The following PCDHA8 variants were observed in gnomAD, a reference collection of about 807,000 sequenced individuals.
The protein encoded by PCDHA8 is protocadherin alpha-8.
PCDHA8 carries 53 observed loss-of-function variants against 61.8 expected under a neutral mutation model. The ratio of observed to expected loss-of-function variants is 0.86; its 90% CI spans 0.69 to 1.08. PCDHA8 has a LOEUF of 1.08. Among genes scored for constraint, PCDHA8 ranks in the 50% least tolerant of loss-of-function variants. The pLI is 0.00. For synonymous variants in PCDHA8, 618 were observed against 556.6 expected (o/e 1.11, Z -1.55); for missense variants, 1,293 against 1,245.0 (o/e 1.04, Z -0.58).
Position 140,974,586 on chromosome 5 carries a change from A to G in PCDHA8, c.2395-4363A>G, listed in dbSNP as rs150396044. Among the ~76,000 whole-genome samples, 599 of 152,220 alleles carry G rather than the reference A, an allele frequency of 3.9e-3. 3 individuals carry two copies. Among genetic ancestry groups the G allele is most frequent in the African/African-American group, 0.014 (565 of 41,540 alleles). On this transcript the variant is annotated intron_variant, in intron 1 of 3. Transcript: ENST00000531613. The stretch of plus-strand genomic sequence containing the variant: ...GAGTGCAATGGCATGATCTTGGCTC[A>G]CTGCAACCTCTGCCTCCAGGGTTCA...
chr5:140,912,322 G>A (rs1050946341), intron 1 of PCDHA8, among the ~76,000 whole-genome samples: 10 of 149,938 alleles, frequency 6.7e-5, no homozygotes, highest in African/African-American at 1.7e-4. Flanking sequence ...TTGACCCTCA[G>A]TATTAACCAG....
At chr5:140,961,347 T>TTGAGAGACCAA (rs2095606709) in intron 1 of PCDHA8, among the ~76,000 whole-genome samples, 1 of 152,216 alleles carries the variant, frequency 6.6e-6, no homozygotes, top group South Asian at 2.1e-4. Flanking sequence ...AGTGGATCCC[T>TTGAGAGACCAA]GTAGTCCCCA....
chr5:140,846,269 G>T (rs1676658281), intron 1 of PCDHA8, among the ~76,000 whole-genome samples: 1 of 148,838 alleles, frequency 6.7e-6, no homozygotes, highest in Admixed American at 6.7e-5. Context: ...ATGATTTAAA[G>T]TCAATTTATG....
chr5:140,953,528 C>T (rs2094898852), intron 1 of PCDHA8, among the ~76,000 whole-genome samples: 1 of 152,112 alleles, frequency 6.6e-6, no homozygotes, highest in Non-Finnish European at 1.5e-5. Context: ...AAACGGGAAA[C>T]TCACTTCATG....
intron 3 of PCDHA8, among the ~76,000 whole-genome samples, chr5:140,996,588 G>A (rs1031631617): frequency 3.2e-4 from 49 of 152,082 alleles, no homozygotes; most frequent in Admixed American, 2.0e-3. Flanking sequence ...AACAAGGGCC[G>A]CCTCCCCCCA....
intron 1 of PCDHA8, chr5:140,877,038 G>T (rs782221827): frequency 2.5e-6 from 4 of 1,612,418 alleles, no homozygotes; most frequent in East Asian, 2.2e-5. Flanking sequence ...CGCTGCAGCC[G>T]CTAGACCACG....
At chr5:140,947,302 C>G (rs1390442873) in intron 1 of PCDHA8, among the ~76,000 whole-genome samples, 2 of 151,504 alleles carry the variant, frequency 1.3e-5, no homozygotes, top group Non-Finnish European at 3.0e-5. Flanking sequence ...ATCTTGACAT[C>G]TTTGTAAAAA....
chr5:140,877,256 G>C lies in PCDHA8; in HGVS notation c.2394+33541G>C, dbSNP rs782364296. 2.5e-6 allele frequency: 4 copies of C among 1,613,628 alleles called. No homozygotes were observed. In the African/African-American group the frequency reaches 5.3e-5, roughly 22 times the overall value. On this transcript the variant is annotated intron_variant, in intron 1 of 3. Transcript: ENST00000531613. Reference sequence around the variant, plus strand: ...GCGGGCCACGTGGTGGCGAAAGTGCGCGCGGTGGACGCTGACTCCGGCTAT... The same window carrying C: ...GCGGGCCACGTGGTGGCGAAAGTGCCCGCGGTGGACGCTGACTCCGGCTAT...
chr5:140,983,359 A>G (rs1310994731), intron 3 of PCDHA8, among the ~76,000 whole-genome samples: 1 of 152,254 alleles, frequency 6.6e-6, no homozygotes, highest in African/African-American at 2.4e-5. Flanking sequence ...TAATAGAAAT[A>G]TGGCTTTGGA....
At chr5:141,006,108 T>G (rs1268824828) in intron 3 of PCDHA8, among the ~76,000 whole-genome samples, 3 of 151,864 alleles carry the variant, frequency 2.0e-5, no homozygotes, top group Non-Finnish European at 4.4e-5. Flanking sequence ...GTAAGGAGTT[T>G]TTTTTTTTTT....
chr5:140,863,884 C>T (rs1388458800), intron 1 of PCDHA8: 1 of 167,076 alleles, frequency 6.0e-6, no homozygotes, highest in Non-Finnish European at 1.3e-5. Flanking sequence ...ACCTGTAATC[C>T]CAGCTACTCA....
rs957445106 is a variant in PCDHA8, at chr5:140,980,862, G to A, written c.2454-1613G>A. Among the ~76,000 whole-genome samples the A allele has an allele frequency of 5.1e-4, 77 of 152,202 alleles. 2 individuals are homozygous for A. Among genetic ancestry groups the A allele is most frequent in the African/African-American group, 1.7e-3 (72 of 41,546 alleles). ...AATAATACTAATCTTTTTCGTATGT[G>A]TGCTTGGGTGTTCTCGGTCTTTCCA... On this transcript the variant is annotated intron_variant, in intron 2 of 3. Coordinates refer to ENST00000531613, the MANE Select transcript of PCDHA8 (RefSeq NM_018911.3).
At chr5:140,941,019 C>T (rs569905763) in intron 1 of PCDHA8, among the ~76,000 whole-genome samples, 4 of 152,142 alleles carry the variant, frequency 2.6e-5, no homozygotes, top group East Asian at 1.9e-4. Context: ...TCCTATTTTC[C>T]TTCTGGCCTT....
At chr5:140,979,826 G>A (rs1338756237) in intron 2 of PCDHA8, among the ~76,000 whole-genome samples, 1 of 152,184 alleles carries the variant, frequency 6.6e-6, no homozygotes, top group East Asian at 1.9e-4. Context: ...TAATTTTAAA[G>A]AAGAAATAAT....
intron 1 of PCDHA8, among the ~76,000 whole-genome samples, chr5:140,912,961 G>C (rs1370850871): frequency 6.6e-6 from 1 of 151,844 alleles, no homozygotes; most frequent in African/African-American, 2.4e-5. Context: ...ATCCCACTTG[G>C]TCTTTTAACT....
At chr5:140,923,221 TTTGAGCCCAGAA>T (rs1584298069) in intron 1 of PCDHA8, among the ~76,000 whole-genome samples, 1 of 71,862 alleles carries the variant, frequency 1.4e-5, no homozygotes, top group Non-Finnish European at 3.3e-5. Flanking sequence ...GAAAGGATCG[TTTGAGCCCAGAA>T]GTTTGAGACC....
chr5:140,967,728 G>C (rs781785028), intron 1 of PCDHA8: 13 of 1,614,176 alleles, frequency 8.1e-6, no homozygotes, highest in Non-Finnish European at 1.1e-5. Flanking sequence ...CGAGTAATTG[G>C]GGGGCTGGAT....
intron 1 of PCDHA8, among the ~76,000 whole-genome samples, chr5:140,922,302 A>G (rs2080767601): frequency 6.6e-6 from 1 of 152,222 alleles, no homozygotes; most frequent in African/African-American, 2.4e-5. Flanking sequence ...AGGAGAGGAT[A>G]CCTTTCACTG....
chr5:140,890,097 C>G (rs1554184163), intron 1 of PCDHA8, among the ~76,000 whole-genome samples: 1 of 152,136 alleles, frequency 6.6e-6, no homozygotes, highest in African/African-American at 2.4e-5. Context: ...AATTTATTCC[C>G]AACTCTGGAT....
Sources: allele counts gnomAD v4.1 joint callset (sites outside exome capture counted in the v4.1 genomes callset), GRCh38; gene constraint gnomAD v4.1.1; transcripts MANE v1.5; gene names NCBI Gene and HGNC (gene_info 2026-07-23, HGNC 2026-07-21).